The following CYSTM1 variants were observed in gnomAD, a reference collection of about 807,000 sequenced individuals.
CYSTM1 encodes cysteine-rich transmembrane module-containing protein 1.
CYSTM1 carries 4 observed loss-of-function variants against 13.1 expected under a neutral mutation model. That is an observed-to-expected ratio of 0.31 (90% CI 0.15 to 0.70). The LOEUF (loss-of-function observed/expected upper bound fraction) is 0.70. Among genes scored for constraint, CYSTM1 ranks in the 30% least tolerant of loss-of-function variants. The probability of loss-of-function intolerance (pLI) is 0.72; values close to 1 mark genes in which losing one functional copy is unlikely to be tolerated. For synonymous variants in CYSTM1, 36 were observed against 42.7 expected (o/e 0.84, Z 0.62); for missense variants, 96 against 121.6 (o/e 0.79, Z 0.99).
chr5:140,224,418 C>T lies in CYSTM1; in HGVS notation c.188-18887C>T, dbSNP rs561268718. On this transcript the variant is annotated intron_variant, in intron 2 of 2. Coordinates refer to ENST00000261811, the MANE Select transcript of CYSTM1 (RefSeq NM_032412.4). ...CCTCCCAAAGTGCTGGGATTACATA[C>T]GTGAGCCACCATGCCCAGCTGCCGC... is the stretch of plus-strand genomic sequence containing the variant. Among the ~76,000 whole-genome samples the T allele has an allele frequency of 3.9e-5, 6 of 152,222 alleles. No individual in the cohort carries two copies. The East Asian group carries it at 5.8e-4, about 15-fold the overall frequency.
At chr5:140,242,607 C>T (rs1764764221) in intron 2 of CYSTM1, among the ~76,000 whole-genome samples, 1 of 152,170 alleles carries the variant, frequency 6.6e-6, no homozygotes, top group Non-Finnish European at 1.5e-5. Flanking sequence ...TGGGGTCCTT[C>T]TTGACCTATG....
In CYSTM1 at chr5:140,175,961, G is replaced by C. The variant is rs1763878310; in HGVS notation, c.-21+676G>C. ...GAACTAATCTCCCGGTAGCAGTGGA[G>C]GTTGCAGGGGGGAGAGAAGGAGGGG... On this transcript the variant is annotated intron_variant, in intron 1 of 2. Coordinates refer to ENST00000261811, the MANE Select transcript of CYSTM1 (RefSeq NM_032412.4). This position sits in a 1 kb window ranked among gnomAD's most constrained non-coding sequence, Gnocchi z 4.9. Among the ~76,000 whole-genome samples, 1 of 152,202 alleles carries C rather than the reference G, an allele frequency of 6.6e-6. No homozygotes were observed. The highest frequency in any genetic ancestry group is 2.4e-5 in the African/African-American group (1 of 41,442).
intron 2 of CYSTM1, among the ~76,000 whole-genome samples, chr5:140,238,390 A>G (rs1764709140): frequency 1.3e-5 from 2 of 152,116 alleles, no homozygotes. Context: ...CAGACCCTTG[A>G]TTGCCTCTGC....
chr5:140,177,108 G>A (rs1184093941), intron 1 of CYSTM1, among the ~76,000 whole-genome samples: 1 of 147,720 alleles, frequency 6.8e-6, no homozygotes, highest in Non-Finnish European at 1.5e-5. Flanking sequence ...TTTCCTGCCA[G>A]CTTTGAGTTT....
intron 2 of CYSTM1, among the ~76,000 whole-genome samples, chr5:140,199,486 AT>A (rs1477856076): frequency 6.6e-6 from 1 of 151,758 alleles, no homozygotes; most frequent in Non-Finnish European, 1.5e-5. Context: ...CTGACTTTTT[AT>A]TGTTTTTGTT....
chr5:140,180,252 G>T (rs561243641), intron 1 of CYSTM1, among the ~76,000 whole-genome samples: 1 of 152,298 alleles, frequency 6.6e-6, no homozygotes, highest in African/African-American at 2.4e-5. Context: ...ACTCAATCTA[G>T]TAGGATTCGA....
intron 1 of CYSTM1, among the ~76,000 whole-genome samples, chr5:140,183,297 C>G (rs1489819407): frequency 1.3e-5 from 2 of 152,190 alleles, no homozygotes; most frequent in African/African-American, 4.8e-5. Context: ...CCGCTCCTTT[C>G]AATTCCCCAA....
intron 2 of CYSTM1, among the ~76,000 whole-genome samples, chr5:140,236,534 C>T (rs1324569999): frequency 2.0e-5 from 3 of 152,206 alleles, no homozygotes; most frequent in Admixed American, 6.5e-5. Context: ...AGAAACGCCA[C>T]GATGAAACTT....
intron 2 of CYSTM1, among the ~76,000 whole-genome samples, chr5:140,225,309 G>T (rs1234366135): frequency 6.6e-6 from 1 of 152,264 alleles, no homozygotes; most frequent in Non-Finnish European, 1.5e-5. Context: ...GCAGATACAG[G>T]TGAATCCCAC....
chr5:140,243,261 T>G, intron 2 of CYSTM1, 44 bp from the exon 3 acceptor site: 1 of 1,555,694 alleles, frequency 6.4e-7, no homozygotes, highest in Non-Finnish European at 8.9e-7. Flanking sequence ...GGGCCTGGGG[T>G]TTGCACCAGT....
At chr5:140,233,870 C>A (rs750524270) in intron 2 of CYSTM1, among the ~76,000 whole-genome samples, 1 of 152,094 alleles carries the variant, frequency 6.6e-6, no homozygotes, top group Non-Finnish European at 1.5e-5. Flanking sequence ...AGATACAAGT[C>A]CTCTGTTGGC....
At position 140,243,608 on chromosome 5, in the gene CYSTM1, T is replaced by C. The variant is rs1253401815; in HGVS notation, c.*197T>C. On this transcript the variant is annotated 3_prime_UTR_variant, in exon 3 of 3. Coordinates refer to ENST00000261811, the MANE Select transcript of CYSTM1 (RefSeq NM_032412.4). Reference sequence around the variant, plus strand: ...GACTTGATCTTTTTAATGTCCAAAATCCATTTCTTATTGATCTTTAAAGAT... The same window carrying C: ...GACTTGATCTTTTTAATGTCCAAAACCCATTTCTTATTGATCTTTAAAGAT... The C allele has an allele frequency of 8.3e-6, 4 of 482,890 alleles. No individual in the cohort carries two copies. The highest frequency in any genetic ancestry group is 6.7e-5 in the South Asian group (2 of 29,666). 29.9% of individuals were successfully genotyped at this position (482,890 alleles called of 1,614,324 possible).
At chr5:140,221,730 C>T (rs1434981278) in intron 2 of CYSTM1, among the ~76,000 whole-genome samples, 3 of 152,178 alleles carry the variant, frequency 2.0e-5, no homozygotes, top group East Asian at 3.8e-4. Context: ...GGGTTTAAAG[C>T]ACAAGGAGCA....
rs199780738 is a variant in CYSTM1, at chr5:140,235,165, G to A, written c.188-8140G>A. On this transcript the variant is annotated intron_variant, in intron 2 of 2. Transcript: ENST00000261811. ...TACTTTTTAGTAGAGATGGGGTTTC[G>A]CCATGTTGGCCAGGCTGGTCTTGAA... 9.9e-5 allele frequency among the ~76,000 whole-genome samples: 15 copies of A among 150,846 alleles called. No homozygotes were observed. The East Asian group carries it at 2.2e-3, about 22-fold the overall frequency.
intron 1 of CYSTM1, among the ~76,000 whole-genome samples, chr5:140,189,858 A>G (rs1329676557): frequency 6.6e-6 from 1 of 152,130 alleles, no homozygotes; most frequent in African/African-American, 2.4e-5. Flanking sequence ...TATTTGGTAT[A>G]CTTTCTTCTA....
At chr5:140,218,686 A>G (rs1447258333) in intron 2 of CYSTM1, among the ~76,000 whole-genome samples, 4 of 152,182 alleles carry the variant, frequency 2.6e-5, no homozygotes, top group African/African-American at 9.7e-5. Flanking sequence ...TTGTGCTGTG[A>G]TATGGACAGA....
intron 2 of CYSTM1, among the ~76,000 whole-genome samples, chr5:140,207,132 G>T (rs1764308365): frequency 2.0e-5 from 3 of 152,164 alleles, no homozygotes. Flanking sequence ...GGCTTGAGAA[G>T]CTTGTGGTTT....
intron 2 of CYSTM1, among the ~76,000 whole-genome samples, chr5:140,236,930 G>A (rs1357868474): frequency 1.3e-5 from 2 of 152,218 alleles, no homozygotes; most frequent in African/African-American, 4.8e-5. Flanking sequence ...AAAATGCCAA[G>A]CACTTCTGGA....
chr5:140,220,595 A>T (rs1764477714), intron 2 of CYSTM1, among the ~76,000 whole-genome samples: 1 of 152,020 alleles, frequency 6.6e-6, no homozygotes, highest in Admixed American at 6.6e-5. Flanking sequence ...TGAGTCAGGG[A>T]TGATGTCTCT....
Sources: allele counts gnomAD v4.1 joint callset (sites outside exome capture counted in the v4.1 genomes callset), GRCh38; gene constraint gnomAD v4.1.1; non-coding constraint Gnocchi (gnomAD v3.1); transcripts MANE v1.5; gene names NCBI Gene and HGNC (gene_info 2026-07-23, HGNC 2026-07-21).